SEZ6L: variants seen among roughly 807,000 people sequenced by gnomAD.
SEZ6L encodes the protein seizure related 6 homolog like.
Under a neutral mutation model 106.2 loss-of-function variants are expected in SEZ6L, and 37 were observed. The observed-to-expected ratio is 0.35, with a 90% CI of 0.27 to 0.46. The LOEUF (loss-of-function observed/expected upper bound fraction) is 0.46. Ranked by LOEUF, SEZ6L falls within the 20% of genes least tolerant of loss-of-function variation. The pLI is 1.00. For synonymous variants in SEZ6L, 541 were observed against 570.4 expected, an observed-to-expected ratio of 0.95 and a Z score of 0.73; for missense variants, 1,172 against 1,332.8, an observed-to-expected ratio of 0.88 and a Z score of 1.88.
chr22:26,345,027 G>A (rs538600803), intron 10 of SEZ6L, among the ~76,000 whole-genome samples: 1 of 152,276 alleles, frequency 6.6e-6, no homozygotes, highest in African/African-American at 2.4e-5. Context: ...AGGGTGCTTG[G>A]TAAAAAAATA....
chr22:26,325,181 G>A (rs1353604724), intron 9 of SEZ6L, among the ~76,000 whole-genome samples: 3 of 152,198 alleles, frequency 2.0e-5, no homozygotes, highest in African/African-American at 7.2e-5. Context: ...CTAGGAAGTG[G>A]CACAGCCGCA....
chr22:26,311,576 A>T (rs2081831860), intron 7 of SEZ6L, among the ~76,000 whole-genome samples, 192 bp from the exon 8 acceptor site: 1 of 152,194 alleles, frequency 6.6e-6, no homozygotes, highest in African/African-American at 2.4e-5. Context: ...AGATTTTTTT[A>T]AATGAGGTCC....
intron 5 of SEZ6L, among the ~76,000 whole-genome samples, chr22:26,304,409 A>G (rs1393669179): frequency 6.7e-6 from 1 of 150,276 alleles, no homozygotes; most frequent in Non-Finnish European, 1.5e-5. Flanking sequence ...AGAAAGAAAG[A>G]AAGAAAGAAA....
intron 1 of SEZ6L, among the ~76,000 whole-genome samples, chr22:26,193,606 C>T (rs891475102): frequency 2.0e-5 from 3 of 152,194 alleles, no homozygotes; most frequent in Admixed American, 2.0e-4. Flanking sequence ...CCATCCTCAT[C>T]CCACTGCACC....
At chr22:26,257,460 T>C (rs2079860703) in intron 1 of SEZ6L, among the ~76,000 whole-genome samples, 1 of 152,206 alleles carries the variant, frequency 6.6e-6, no homozygotes, top group Non-Finnish European at 1.5e-5. Context: ...ATTTCCTCCA[T>C]AAATATTTAT....
intron 4 of SEZ6L, among the ~76,000 whole-genome samples, chr22:26,297,759 T>TGA (rs1313868903): frequency 2.6e-5 from 4 of 151,728 alleles, no homozygotes; most frequent in Admixed American, 6.6e-5. Context: ...TCCTCCCTCT[T>TGA]TGCTTGCTTG....
rs566982275 is a variant in SEZ6L at position 26,276,569 on chromosome 22, T to C, written c.95-15837T>C. ...ATTCTCTACATAGGTAATTGAAGTATAGCATATAGGTAATTGAATGCAGAT... is the reference window on the plus strand; with the variant it reads ...ATTCTCTACATAGGTAATTGAAGTACAGCATATAGGTAATTGAATGCAGAT... On this transcript the variant is annotated intron_variant, in intron 1 of 16. Coordinates refer to ENST00000248933, the MANE Select transcript of SEZ6L (RefSeq NM_021115.5). Among the ~76,000 whole-genome samples, 23 of 152,378 alleles carry C rather than the reference T, an allele frequency of 1.5e-4. No homozygotes were observed. The South Asian group carries it at 3.3e-3, about 22-fold the overall frequency.
At chr22:26,280,528 C>A (rs1601363746) in intron 1 of SEZ6L, among the ~76,000 whole-genome samples, 1 of 152,078 alleles carries the variant, frequency 6.6e-6, no homozygotes, top group South Asian at 2.1e-4. Flanking sequence ...TTTTTGTTTT[C>A]TTTTTAGAAG....
intron 1 of SEZ6L, among the ~76,000 whole-genome samples, chr22:26,222,065 C>G (rs1173870086): frequency 6.6e-6 from 1 of 152,160 alleles, no homozygotes; most frequent in Non-Finnish European, 1.5e-5. Flanking sequence ...GGTACTCCCT[C>G]CACATAATCG....
intron 1 of SEZ6L, among the ~76,000 whole-genome samples, chr22:26,201,259 G>A (rs576142743): frequency 3.3e-5 from 5 of 152,040 alleles, no homozygotes; most frequent in East Asian, 3.9e-4. Context: ...GGTGGCTTAC[G>A]CCTGTAATCC....
intron 1 of SEZ6L, among the ~76,000 whole-genome samples, chr22:26,273,976 C>G (rs2145844242): frequency 6.6e-6 from 1 of 152,310 alleles, no homozygotes; most frequent in East Asian, 1.9e-4. Context: ...GACACTATTT[C>G]TCCCTCCAAG....
intron 12 of SEZ6L, among the ~76,000 whole-genome samples, chr22:26,351,832 C>T (rs1051452753): frequency 1.3e-5 from 2 of 151,972 alleles, no homozygotes; most frequent in African/African-American, 4.8e-5. Context: ...CAGGCATGAG[C>T]CACCACCCTG....
At chr22:26,262,806 G>A (rs1296045625) in intron 1 of SEZ6L, among the ~76,000 whole-genome samples, 1 of 152,106 alleles carries the variant, frequency 6.6e-6, no homozygotes, top group Admixed American at 6.6e-5. Flanking sequence ...GAGAAACCTT[G>A]GTCCCTAAAG....
At chr22:26,352,376 G>A (rs908412067) in intron 12 of SEZ6L, among the ~76,000 whole-genome samples, 1 of 152,130 alleles carries the variant, frequency 6.6e-6, no homozygotes, top group Non-Finnish European at 1.5e-5. Flanking sequence ...TCAAACTCCA[G>A]AAGCCACAGT....
chr22:26,339,028 C>A (rs1346324358), intron 9 of SEZ6L, among the ~76,000 whole-genome samples: 2 of 151,834 alleles, frequency 1.3e-5, no homozygotes, highest in African/African-American at 4.8e-5. Context: ...TTATCTGCCT[C>A]GAGGTCTCCT....
chr22:26,291,836 A>G (rs145788412), intron 1 of SEZ6L, among the ~76,000 whole-genome samples: 2 of 152,182 alleles, frequency 1.3e-5, no homozygotes, highest in African/African-American at 2.4e-5. Flanking sequence ...AGCATTCATC[A>G]TATCAAATAT....
At chr22:26,333,843 A>T (rs2145974114) in intron 9 of SEZ6L, among the ~76,000 whole-genome samples, 1 of 152,260 alleles carries the variant, frequency 6.6e-6, no homozygotes, top group Admixed American at 6.5e-5. Context: ...GGCTGAAACT[A>T]AGGGGTGGGT....
intron 1 of SEZ6L, among the ~76,000 whole-genome samples, chr22:26,257,247 G>T (rs578047493): frequency 6.6e-6 from 1 of 152,168 alleles, no homozygotes; most frequent in African/African-American, 2.4e-5. Flanking sequence ...ATGCACCTAA[G>T]CAAGCTCTAG....
chr22:26,267,462 T>G (rs1416112546), intron 1 of SEZ6L, among the ~76,000 whole-genome samples: 1 of 152,212 alleles, frequency 6.6e-6, no homozygotes, highest in Non-Finnish European at 1.5e-5. Flanking sequence ...CTAAAGATCT[T>G]GTGGTCAATA....
Sources: gnomAD v4.1 joint callset for allele counts (sites outside exome capture counted in the v4.1 genomes callset) on GRCh38, gnomAD v4.1.1 for gene constraint, MANE v1.5 for transcripts, NCBI Gene and HGNC (gene_info 2026-07-23, HGNC 2026-07-21) for gene names.